Variants in UNC5C observed in about 807,000 individuals in gnomAD.
The protein encoded by UNC5C is netrin receptor UNC5C.
Under a neutral mutation model 99.8 loss-of-function variants are expected in UNC5C, and 47 were observed. The observed-to-expected ratio is 0.47, with a 90% CI of 0.37 to 0.60. The LOEUF (loss-of-function observed/expected upper bound fraction) is 0.60. UNC5C is among the 20% of genes least tolerant of loss of function. UNC5C has a pLI of 0.00. For synonymous variants in UNC5C, 487 were observed against 452.2 expected (o/e 1.08, Z -0.98); for missense variants, 1,062 against 1,165.9 (o/e 0.91, Z 1.30).
At chr4:95,216,545 A>AT (rs143150058) in intron 9 of UNC5C, among the ~76,000 whole-genome samples, 20,405 of 151,132 alleles carry the variant, frequency 0.14, 1,587 homozygotes, top group Non-Finnish European at 0.18. Flanking sequence ...CATCATTTCC[A>AT]TTTTTTTTTA....
At chr4:95,533,080 A>G (rs1475096273) in intron 1 of UNC5C, among the ~76,000 whole-genome samples, 1 of 152,108 alleles carries the variant, frequency 6.6e-6, no homozygotes, top group African/African-American at 2.4e-5. Flanking sequence ...TATTTAGGTA[A>G]CATCATTTAA....
chr4:95,474,797 G>A (rs1348018584), intron 1 of UNC5C, among the ~76,000 whole-genome samples: 1 of 152,042 alleles, frequency 6.6e-6, no homozygotes, highest in Admixed American at 6.6e-5. Context: ...CCAGCACATA[G>A]ATCAAGAAAG....
chr4:95,374,194 C>T (rs72874456), intron 1 of UNC5C, among the ~76,000 whole-genome samples: 1,630 of 152,098 alleles, frequency 0.011, 37 homozygotes, highest in African/African-American at 0.037. Context: ...CAACATTTGC[C>T]GGGCTCAGGA....
chr4:95,224,737 G>A (rs72878190), intron 7 of UNC5C, among the ~76,000 whole-genome samples: 1,728 of 151,898 alleles, frequency 0.011, 44 homozygotes, highest in African/African-American at 0.038. Context: ...AAATAAGCAA[G>A]TAAACAAAAT....
At chr4:95,240,572 C>T (rs976314779) in intron 7 of UNC5C, among the ~76,000 whole-genome samples, 3 of 152,062 alleles carry the variant, frequency 2.0e-5, no homozygotes, top group South Asian at 2.1e-4. Flanking sequence ...GATTTTAACC[C>T]GAACAGCAAA....
intron 7 of UNC5C, among the ~76,000 whole-genome samples, chr4:95,227,630 G>A (rs1254127013): frequency 6.6e-6 from 1 of 152,154 alleles, no homozygotes; most frequent in East Asian, 1.9e-4. Flanking sequence ...CCTTTTACTT[G>A]AAGACCATCT....
chr4:95,327,988 T>C (rs1274020669), intron 2 of UNC5C, among the ~76,000 whole-genome samples: 5 of 151,622 alleles, frequency 3.3e-5, no homozygotes, highest in South Asian at 2.1e-4. Context: ...TAAAATAGCA[T>C]TGTTTATAAC....
chr4:95,168,373 C>T lies in UNC5C; in HGVS notation c.*861G>A, dbSNP rs921018371. 2 of 152,138 alleles carry T rather than the reference C, an allele frequency of 1.3e-5. No homozygotes were observed. Among genetic ancestry groups the T allele is most frequent in the African/African-American group, 4.8e-5 (2 of 41,398 alleles). The allele number at this position is 152,138 out of a possible 1,614,324, so 9.4% of individuals were successfully genotyped here. On this transcript the variant is annotated 3_prime_UTR_variant, in exon 16 of 16. Coordinates refer to ENST00000453304, the MANE Select transcript of UNC5C (RefSeq NM_003728.4). The stretch of plus-strand genomic sequence containing the variant: ...AATAACCAAATACTAACAAACAGCA[C>T]TGCTAACAAAAATAGAAATTTAAAA...
At chr4:95,535,803 C>T (rs762208185) in intron 1 of UNC5C, among the ~76,000 whole-genome samples, 8 of 151,800 alleles carry the variant, frequency 5.3e-5, no homozygotes, top group Non-Finnish European at 1.0e-4. Context: ...GATCCAAACA[C>T]GCACACACGG....
intron 1 of UNC5C, among the ~76,000 whole-genome samples, chr4:95,406,646 A>C (rs576528280): frequency 1.3e-5 from 2 of 152,186 alleles, no homozygotes; most frequent in Non-Finnish European, 2.9e-5. Context: ...TCAGTCCCTT[A>C]AGCCACTCTA....
intron 1 of UNC5C, among the ~76,000 whole-genome samples, chr4:95,336,386 C>G (rs1367414596): frequency 2.0e-5 from 3 of 151,782 alleles, no homozygotes; most frequent in African/African-American, 7.2e-5. Context: ...CAGAGGAGAA[C>G]AGAGCTATTA....
chr4:95,489,292 A>G (rs997026046), intron 1 of UNC5C, among the ~76,000 whole-genome samples: 3 of 151,752 alleles, frequency 2.0e-5, no homozygotes, highest in African/African-American at 7.2e-5. Context: ...CAAAGGCCCT[A>G]AGTTGGAAAG....
In UNC5C at chr4:95,250,608, A is replaced by G. The variant is rs1739664917; in HGVS notation, c.654T>C (p.Ile218=). The G allele has an allele frequency of 6.2e-7, 1 of 1,614,048 alleles. No homozygotes were observed. Residue 218 remains isoleucine, a synonymous_variant, in exon 5 of 16, where the codon ATT becomes ATC. Coordinates refer to ENST00000453304, the MANE Select transcript of UNC5C (RefSeq NM_003728.4). The part of the protein sequence containing the change: ...IDPVEDRNFY[I]TIDHNLIIKQ... ...TTATGATGAGGTTGTGATCAATAGTAATATAAAAATTCCGATCTTCAACGG... is the reference window on the plus strand; with the variant it reads ...TTATGATGAGGTTGTGATCAATAGTGATATAAAAATTCCGATCTTCAACGG...
intron 1 of UNC5C, among the ~76,000 whole-genome samples, chr4:95,475,995 T>G (rs1245356140): frequency 6.6e-6 from 1 of 152,090 alleles, no homozygotes; most frequent in African/African-American, 2.4e-5. Flanking sequence ...ACATTCCCAG[T>G]TAGATAAGTA....
At chr4:95,451,252 T>A (rs1487924933) in intron 1 of UNC5C, among the ~76,000 whole-genome samples, 1 of 152,168 alleles carries the variant, frequency 6.6e-6, no homozygotes, top group African/African-American at 2.4e-5. Context: ...TGGCAGGCAA[T>A]GCTGATTTAA....
chr4:95,234,452 G>A (rs923995563), intron 7 of UNC5C, among the ~76,000 whole-genome samples: 3 of 151,218 alleles, frequency 2.0e-5, no homozygotes, highest in Non-Finnish European at 4.4e-5. Context: ...ATGTATACAT[G>A]TGCCACGTTC....
intron 7 of UNC5C, among the ~76,000 whole-genome samples, chr4:95,229,593 C>T (rs905662984): frequency 9.2e-5 from 14 of 152,080 alleles, no homozygotes; most frequent in East Asian, 3.9e-4. Context: ...AACATATGTG[C>T]GCATGTGTCT....
At chr4:95,490,528 A>G (rs1448540012) in intron 1 of UNC5C, among the ~76,000 whole-genome samples, 1 of 151,732 alleles carries the variant, frequency 6.6e-6, no homozygotes, top group Non-Finnish European at 1.5e-5. Flanking sequence ...TAACACACAT[A>G]ATAGATTCAT....
chr4:95,183,989 T>A (rs1387979527), intron 13 of UNC5C, among the ~76,000 whole-genome samples: 1 of 152,198 alleles, frequency 6.6e-6, no homozygotes, highest in Non-Finnish European at 1.5e-5. Flanking sequence ...TATCATATTA[T>A]CATTATCATT....
Sources: gnomAD v4.1 joint callset for allele counts (sites outside exome capture counted in the v4.1 genomes callset) on GRCh38, gnomAD v4.1.1 for gene constraint, MANE v1.5 for transcripts, NCBI Gene and HGNC (gene_info 2026-07-23, HGNC 2026-07-21) for gene names.